Variants in EXD3 observed in about 807,000 individuals in gnomAD.
EXD3 encodes exonuclease 3'-5' domain containing 3.
A neutral mutation model predicts 98.0 loss-of-function variants in EXD3; 92 were observed. The ratio of observed to expected loss-of-function variants is 0.94; its 90% CI spans 0.79 to 1.12. The LOEUF is 1.12. Among genes scored for constraint, EXD3 ranks in the 50% most tolerant of loss-of-function variants. EXD3 has a pLI of 0.00. For missense variants in EXD3, 1,222 were observed against 1,191.6 expected (o/e 1.03, Z -0.38); for synonymous variants, 569 against 526.0 (o/e 1.08, Z -1.12).
At chr9:137,409,939 G>A (rs1837915026) in intron 1 of EXD3, among the ~76,000 whole-genome samples, 1 of 152,210 alleles carries the variant, frequency 6.6e-6, no homozygotes, top group African/African-American at 2.4e-5. Flanking sequence ...CACTTTAGGA[G>A]GCTGAGGCGG....
At chr9:137,329,538 C>T (rs1259943515) in intron 17 of EXD3, among the ~76,000 whole-genome samples, 1 of 53,558 alleles carries the variant, frequency 1.9e-5, no homozygotes, top group Non-Finnish European at 3.4e-5. Flanking sequence ...TACACGGGGT[C>T]ACACGGGACT....
chr9:137,417,116 G>A (rs1838270496), intron 1 of EXD3, among the ~76,000 whole-genome samples: 1 of 152,232 alleles, frequency 6.6e-6, no homozygotes, highest in African/African-American at 2.4e-5. Flanking sequence ...CAAAGCCGGG[G>A]CCGCGTTGCG....
rs755695023 is a variant in EXD3, at chr9:137,348,160, T to C, written c.1909A>G (p.Met637Val). ...ARAFRVVCDN[M>V]LQGLARSLRC... is the part of the protein sequence containing the mutation. The stretch of plus-strand genomic sequence containing the variant: ...AGGCTCCGTGCCAGCCCCTGCAGCA[T>C]GTTGTCACACACCACACGGAAGGCC... Residue 637 changes from methionine to valine, a missense_variant, in exon 17 of 22, where the codon ATG becomes GTG. Coordinates refer to ENST00000340951, the MANE Select transcript of EXD3 (RefSeq NM_017820.5). 3.1e-6 allele frequency: 5 copies of C among 1,609,582 alleles called. No individual in the cohort carries two copies. In the South Asian group the frequency reaches 3.3e-5, roughly 11 times the overall value.
intron 17 of EXD3, among the ~76,000 whole-genome samples, chr9:137,329,078 C>T (rs1832743820): frequency 2.0e-5 from 1 of 49,838 alleles, no homozygotes; most frequent in Non-Finnish European, 3.4e-5. Flanking sequence ...CACGGGACTA[C>T]ACGGGGCTAC....
chr9:137,383,851 G>A (rs778865820), intron 2 of EXD3, among the ~76,000 whole-genome samples: 4 of 146,710 alleles, frequency 2.7e-5, no homozygotes, highest in African/African-American at 9.9e-5. Context: ...CTCCAGCCCC[G>A]CCTGGGAGGC....
Position 137,381,140 on chromosome 9 carries a change from G to T in EXD3, c.120+2173C>A, listed in dbSNP as rs188452706. ...CACACACACGAAAAGCCTGGGTGCG[G>T]TGGCTCACACCTGTAATCCCAGCAC... On this transcript the variant is annotated intron_variant, in intron 3 of 21. Transcript: ENST00000340951. 7.8e-3 allele frequency: 1,083 copies of T among 139,290 alleles called. 8 individuals are homozygous for T. The highest frequency in any genetic ancestry group is 0.012 in the Non-Finnish European group (747 of 64,532). The allele number at this position is 139,290 out of a possible 1,614,324, so 8.6% of individuals were successfully genotyped here. A position where few individuals can be genotyped will look rare whatever the true frequency, so the allele number is the denominator to read the frequency against.
intron 8 of EXD3, among the ~76,000 whole-genome samples, chr9:137,355,438 AGGAAGGGAGGAT>A: frequency 2.1e-5 from 3 of 142,852 alleles, no homozygotes; most frequent in Admixed American, 6.9e-5. Context: ...AGGAGGATGG[AGGAAGGGAGGAT>A]GGAGGAAGGA....
Position 137,354,342 on chromosome 9 carries a change from C to A in EXD3, c.867G>T (p.Val289=), listed in dbSNP as rs375877091. The A allele has an allele frequency of 3.6e-5, 58 of 1,612,268 alleles. No homozygotes were observed. Among genetic ancestry groups the A allele is most frequent in the East Asian group, 2.2e-5 (1 of 44,890 alleles). The change falls in exon 10 of 22, where the codon GTG becomes GTT. Residue 289 remains valine, a synonymous_variant. Coordinates refer to ENST00000340951, the MANE Select transcript of EXD3 (RefSeq NM_017820.5). ...SLSQENWTDH[V]QGLVGQSPWL... is the part of the protein sequence containing the mutation. ...ACAGGCAAGGGCACGAACTCACCTG[C>A]ACATGGTCGGTCCAGTTCTCCTGTG...
chr9:137,394,237 C>T (rs1353068032), intron 2 of EXD3, among the ~76,000 whole-genome samples: 4 of 39,530 alleles, frequency 1.0e-4, no homozygotes, highest in African/African-American at 8.1e-4. Flanking sequence ...CCTCCGCTTC[C>T]CTAACCCCGG....
chr9:137,414,345 G>C (rs993850354), intron 1 of EXD3, among the ~76,000 whole-genome samples: 1 of 152,222 alleles, frequency 6.6e-6, no homozygotes, highest in East Asian at 1.9e-4. Flanking sequence ...CACAGACCAC[G>C]GGCTGTTTGT....
In EXD3 at chr9:137,328,581, GCTACAC is replaced by G. The variant is rs1832640339; in HGVS notation, c.1999-4444_1999-4439del. ...GAAGAAACAGACTAGTTACACAGGA[GCTACAC>G]GGGACTACACGGGACTACACGGGGC... is the stretch of plus-strand genomic sequence containing the variant. On this transcript the variant is annotated intron_variant, in intron 17 of 21. Transcript: ENST00000340951. Among the ~76,000 whole-genome samples the G allele has an allele frequency of 1.8e-4, 19 of 103,400 alleles. 2 individuals are homozygous for G. The South Asian group carries it at 5.1e-3, about 28-fold the overall frequency. The allele number at this position is 103,400 out of a possible 152,430, so 67.8% of individuals were successfully genotyped here.
In EXD3 at chr9:137,324,112, G is replaced by A. The variant is rs775469023; in HGVS notation, c.2030C>T (p.Thr677Met). The A allele has an allele frequency of 4.5e-5, 72 of 1,588,258 alleles. No individual in the cohort carries two copies. Among genetic ancestry groups the A allele is most frequent in the Non-Finnish European group, 5.1e-5 (60 of 1,168,158 alleles). The change falls in exon 18 of 22, where the codon ACG becomes ATG. Residue 677 changes from threonine (T) to methionine (M), a missense_variant. Physicochemically the swap from Thr to Met is moderately conservative, Grantham distance 81. Transcript: ENST00000340951. The surrounding 1 kb of genome is among the most constrained non-coding windows in gnomAD (Gnocchi z 4.1). ...CACCTTGTGGAATGGCTGCCCCGAC[G>A]TCAGAATGATCCTCCCCTCCTGCCT... ...VARQEGRIIL[T>M]SGQPFHKLRA...
intron 17 of EXD3, chr9:137,343,575 C>CTTGTTTTTTTT (rs1833760503): frequency 1.8e-5 from 1 of 56,586 alleles, no homozygotes; most frequent in Non-Finnish European, 2.9e-5. Flanking sequence ...ACTACTGTAT[C>CTTGTTTTTTTT]TTTTTTTTTT....
intron 7 of EXD3, among the ~76,000 whole-genome samples, chr9:137,357,572 C>A (rs937960827): frequency 6.6e-6 from 1 of 151,944 alleles, no homozygotes; most frequent in African/African-American, 2.4e-5. Flanking sequence ...TTCTGTGGGG[C>A]CCCCATCTCC....
intron 17 of EXD3, among the ~76,000 whole-genome samples, chr9:137,332,749 G>GC (rs1833150634): frequency 1.3e-5 from 2 of 152,220 alleles, no homozygotes; most frequent in African/African-American, 4.8e-5. Context: ...GGAGGCTGAG[G>GC]CAGGGGAATC....
intron 2 of EXD3, among the ~76,000 whole-genome samples, chr9:137,387,729 C>A (rs1189545246): frequency 6.6e-6 from 1 of 152,210 alleles, no homozygotes; most frequent in African/African-American, 2.4e-5. Context: ...ACCGAGGGAC[C>A]TCCCAGACCC....
chr9:137,384,546 G>A (rs1836487808), intron 2 of EXD3, among the ~76,000 whole-genome samples: 3 of 152,238 alleles, frequency 2.0e-5, no homozygotes, highest in Non-Finnish European at 4.4e-5. Context: ...GCCACAGCCC[G>A]GCCTGGAGCC....
intron 3 of EXD3, among the ~76,000 whole-genome samples, chr9:137,379,808 AG>A (rs1828016804): frequency 6.6e-6 from 1 of 151,954 alleles, no homozygotes; most frequent in African/African-American, 2.4e-5. Context: ...TTCTAACCAC[AG>A]CCCGCCTTCC....
chr9:137,418,173 C>T (rs1838328854), intron 1 of EXD3, among the ~76,000 whole-genome samples: 1 of 152,118 alleles, frequency 6.6e-6, no homozygotes, highest in Non-Finnish European at 1.5e-5. Flanking sequence ...ATGGTGAAAC[C>T]CCATCTCTAC....
Sources: gnomAD v4.1 joint callset for allele counts (sites outside exome capture counted in the v4.1 genomes callset) on GRCh38, gnomAD v4.1.1 for gene constraint, Gnocchi (gnomAD v3.1) non-coding constraint, MANE v1.5 for transcripts, NCBI Gene and HGNC (gene_info 2026-07-23, HGNC 2026-07-21) for gene names.